Variants in NOTCH3 observed in about 807,000 individuals in gnomAD.
The protein encoded by NOTCH3 is neurogenic locus notch homolog protein 3.
In NOTCH3, 86 loss-of-function variants were observed where a neutral mutation model predicts 213.3. That is an observed-to-expected ratio of 0.40 (90% confidence interval 0.34 to 0.48). NOTCH3 has a LOEUF of 0.48. Ranked by LOEUF, NOTCH3 falls within the 20% of genes least tolerant of loss-of-function variation. NOTCH3 has a pLI of 0.57. For missense variants in NOTCH3, 2,783 were observed against 3,272.6 expected (o/e 0.85, Z 3.65); for synonymous variants, 1,354 against 1,355.9 (o/e 1.00, Z 0.03).
chr19:15,169,311 C>A (rs1226768206), intron 28 of NOTCH3, among the ~76,000 whole-genome samples: 1 of 152,072 alleles, frequency 6.6e-6, no homozygotes, highest in East Asian at 1.9e-4. Flanking sequence ...AGAGCCCTTA[C>A]CAGGAACCAG....
At chr19:15,181,198 C>A in intron 17 of NOTCH3, 36 bp from the exon 18 acceptor site, 1 of 1,573,366 alleles carries the variant, frequency 6.4e-7, no homozygotes, top group Non-Finnish European at 8.7e-7. Flanking sequence ...GATCAGGCTC[C>A]GCCCCCTCAC....
chr19:15,184,028 ACT>A (rs2046860891), intron 16 of NOTCH3, among the ~76,000 whole-genome samples: 1 of 125,496 alleles, frequency 8.0e-6, no homozygotes, highest in South Asian at 2.6e-4. Context: ...CAGAGCTAAG[ACT>A]CTGTCTCAAA....
At chr19:15,171,137 T>G (rs1187299502) in intron 25 of NOTCH3, among the ~76,000 whole-genome samples, 1 of 152,216 alleles carries the variant, frequency 6.6e-6, no homozygotes, top group Non-Finnish European at 1.5e-5. Flanking sequence ...GCGATTCTCC[T>G]GCCTCAGCCT....
intron 17 of NOTCH3, 48 bp from the exon 18 acceptor site, chr19:15,181,210 G>A (rs764820477): frequency 4.6e-6 from 7 of 1,522,206 alleles, no homozygotes; most frequent in African/African-American, 1.4e-5. Context: ...CCCCCTCACA[G>A]GCCCTGCCCT....
chr19:15,183,336 A>T (rs2046854916), intron 16 of NOTCH3, among the ~76,000 whole-genome samples: 1 of 152,178 alleles, frequency 6.6e-6, no homozygotes, highest in Non-Finnish European at 1.5e-5. Flanking sequence ...TAGAAAATTT[A>T]AAATTGCATA....
rs781592989 is a variant in NOTCH3, at chr19:15,161,650, T to A, written c.5978A>T (p.Asp1993Val). ...GSYEAAKLLL[D>V]HFANREITDH... is the part of the protein sequence containing the mutation. ...GGTGATCTCACGGTTGGCAAAGTGG[T>A]CCAACAGCAGCTTGGCAGCCTCATA... Residue 1993 changes from aspartate to valine, a missense_variant, in exon 33 of 33, where the codon GAC (aspartate) becomes GTC (valine). Asp to Val is a radical substitution (Grantham distance 152). Transcript: ENST00000263388. 6.2e-7 allele frequency: 1 copy of A among 1,613,706 alleles called. No homozygotes were observed. Among genetic ancestry groups the A allele is most frequent in the African/African-American group, 1.3e-5 (1 of 74,902 alleles).
At position 15,181,759 on chromosome 19, in the gene NOTCH3, G is replaced by A; in HGVS notation, c.2609C>T (p.Ser870Phe). ...ACCAGGGAGGCAGGAGCAGGAAAAG[G>A]AGCCCACGCCGTCTTGGCACGAGCC... ...NGGSCQDGVG[S>F]FSCSCLPGFA... The change falls in exon 17 of 33, where the codon TCC becomes TTC. Residue 870 changes from serine (S) to phenylalanine (F), a missense_variant. Physicochemically the swap from Ser to Phe is radical, Grantham distance 155 (BLOSUM62 -2). Coordinates refer to ENST00000263388, the MANE Select transcript of NOTCH3 (RefSeq NM_000435.3). 1 of 1,571,406 alleles carries A rather than the reference G, an allele frequency of 6.4e-7. No homozygotes were observed. Among genetic ancestry groups the A allele is most frequent in the Non-Finnish European group, 8.6e-7 (1 of 1,157,852 alleles).
In NOTCH3 at chr19:15,179,487, C is replaced by T. The variant is rs1261452870; in HGVS notation, c.3337G>A (p.Gly1113Ser). 1 of 1,613,994 alleles carries T rather than the reference C, an allele frequency of 6.2e-7. No homozygotes were observed. ...TCCTCACAGTTATCACCATTGTAGC[C>T]AGGAAGACACTTCAGTGGGGTAAGA... The part of the protein sequence containing the change: ...MGGYMCECLP[G>S]YNGDNCEDDV... Residue 1113 changes from glycine (G) to serine (S), a missense_variant, in exon 21 of 33, where the codon GGC becomes AGC. Gly to Ser is a moderately conservative substitution (Grantham distance 56). This residue lies in a region of NOTCH3 where 861 missense variants were observed against 909.1 expected (regional missense o/e 0.95). Transcript: ENST00000263388.
Position 15,181,150 on chromosome 19 carries a change from A to G in NOTCH3, c.2805T>C (p.Asn935=). The change falls in exon 18 of 33, where the codon AAT becomes AAC. Residue 935 remains asparagine, a synonymous_variant. Coordinates refer to ENST00000263388, the MANE Select transcript of NOTCH3 (RefSeq NM_000435.3). ...LPDCSPSSCF[N]GGTCVDGVNS... is the part of the protein sequence containing the mutation. ...TCACGCCGTCCACACAGGTCCCGCC[A>G]TTGAAGCAGGAGCTGGAGCGGAAGG... The G allele has an allele frequency of 6.2e-7, 1 of 1,611,358 alleles. No individual in the cohort carries two copies. The highest frequency in any genetic ancestry group is 8.5e-7 in the Non-Finnish European group (1 of 1,179,316).
intron 23 of NOTCH3, 108 bp downstream of exon 23, chr19:15,178,715 C>G: frequency 1.2e-6 from 1 of 819,228 alleles, no homozygotes; most frequent in Non-Finnish European, 2.1e-6. Flanking sequence ...AAACTCCCTT[C>G]CCTTCGATGT....
intron 22 of NOTCH3, 29 bp downstream of exon 22, chr19:15,178,996 C>G (rs773979124): frequency 1.2e-6 from 2 of 1,614,030 alleles, no homozygotes; most frequent in African/African-American, 2.7e-5. Context: ...CAGGCGGGGT[C>G]CCAGGCCAGC....
intron 28 of NOTCH3, among the ~76,000 whole-genome samples, chr19:15,168,484 C>T (rs1202548543): frequency 1.3e-5 from 2 of 152,084 alleles, no homozygotes; most frequent in Non-Finnish European, 1.5e-5. Context: ...AGACATTCAG[C>T]GGGTGCCTCA....
intron 29 of NOTCH3, 100 bp downstream of exon 29, chr19:15,167,149 A>G: frequency 1.5e-6 from 2 of 1,309,878 alleles, no homozygotes; most frequent in Non-Finnish European, 2.2e-6. Context: ...ACAGAAGCTT[A>G]GAGACTCCCC....
chr19:15,164,840 G>A (rs922520189), intron 31 of NOTCH3, among the ~76,000 whole-genome samples: 5 of 151,896 alleles, frequency 3.3e-5, no homozygotes, highest in Admixed American at 2.0e-4. Context: ...CTGGAGTGCA[G>A]GGGCACAATC....
Position 15,178,826 on chromosome 19 carries a change from G to A in NOTCH3, c.3834C>T (p.Ala1278=), listed in dbSNP as rs762669484. 7 of 1,592,044 alleles carry A rather than the reference G, an allele frequency of 4.4e-6. No individual in the cohort carries two copies. The highest frequency in any genetic ancestry group is 5.1e-6 in the Non-Finnish European group (6 of 1,168,644). The change falls in exon 23 of 33, where the codon GCC becomes GCT. Residue 1278 remains alanine, a synonymous_variant. Transcript: ENST00000263388. The stretch of plus-strand genomic sequence containing the variant: ...AAAGGCCGCCACCCACACCTACCTG[G>A]GCACAGTGACAGGTGAAGGTCAGCC... ...GGGLTFTCHC[A]QPFWGPRCER...
intron 16 of NOTCH3, among the ~76,000 whole-genome samples, 186 bp downstream of exon 16, chr19:15,184,109 C>T (rs2046861930): frequency 6.6e-6 from 1 of 150,516 alleles, no homozygotes; most frequent in Admixed American, 6.6e-5. Context: ...AGCTCATTCC[C>T]TAACTCGTTC....
At chr19:15,181,398 A>T (rs1293666086) in intron 17 of NOTCH3, among the ~76,000 whole-genome samples, 178 bp downstream of exon 17, 1 of 152,164 alleles carries the variant, frequency 6.6e-6, no homozygotes, top group Admixed American at 6.5e-5. Context: ...AGAGACTCCA[A>T]GGTGAGCTCC....
Position 15,160,906 on chromosome 19 carries a change from T to A in NOTCH3, c.6722A>T (p.Glu2241Val), listed in dbSNP as rs2145380289. 1.2e-6 allele frequency: 2 copies of A among 1,610,222 alleles called. No individual in the cohort carries two copies. The highest frequency in any genetic ancestry group is 1.7e-6 in the Non-Finnish European group (2 of 1,177,622). ...GGGGGATGGGGTCAGGTAAGGGTGC[T>A]CACTGGGAACCCGCAGGAAGCGGGC... ...PKARFLRVPS[E>V]HPYLTPSPES... Residue 2241 changes from glutamate (E) to valine (V), a missense_variant, in exon 33 of 33, where the codon GAG (glutamate) becomes GTG (valine). Around this residue, in one of 6 missense-constraint regions of NOTCH3, gnomAD observed 441 missense variants for 432.1 expected, o/e 1.02. Transcript: ENST00000263388.
intron 29 of NOTCH3, 38 bp downstream of exon 29, chr19:15,167,211 G>A (rs759805091): frequency 6.2e-7 from 1 of 1,602,106 alleles, no homozygotes; most frequent in Non-Finnish European, 8.5e-7. Context: ...GGTAGGATGG[G>A]TGAGGGGCAT....
Sources: allele counts gnomAD v4.1 joint callset (sites outside exome capture counted in the v4.1 genomes callset), GRCh38; gene constraint gnomAD v4.1.1; regional missense constraint gnomAD v4.1.1; transcripts MANE v1.5; gene names NCBI Gene and HGNC (gene_info 2026-07-23, HGNC 2026-07-21).